The following TMEM39B variants were observed in gnomAD, a reference collection of about 807,000 sequenced individuals.
TMEM39B encodes transmembrane protein 39B.
In TMEM39B, 23 loss-of-function variants were observed where a neutral mutation model predicts 52.2. That is an observed-to-expected ratio of 0.44 (90% confidence interval 0.32 to 0.62). The LOEUF (loss-of-function observed/expected upper bound fraction) is 0.62. TMEM39B is among the 20% of genes least tolerant of loss of function. TMEM39B has a pLI of 0.06. For synonymous variants in TMEM39B, 285 were observed against 264.0 expected, an observed-to-expected ratio of 1.08 and a Z score of -0.77; for missense variants, 547 against 642.0, an observed-to-expected ratio of 0.85 and a Z score of 1.60.
intron 5 of TMEM39B, among the ~76,000 whole-genome samples, chr1:32,089,238 A>G (rs867662576): frequency 1.3e-5 from 2 of 149,972 alleles, no homozygotes; most frequent in African/African-American, 2.5e-5. Flanking sequence ...CGCTAGGATC[A>G]GGTGATCTTC....
At chr1:32,101,434 CCCT>C (rs1234993662) in intron 8 of TMEM39B, among the ~76,000 whole-genome samples, 1 of 151,720 alleles carries the variant, frequency 6.6e-6, no homozygotes, top group Admixed American at 6.6e-5. Context: ...TCCCCTCCCC[CCCT>C]TTTTTAAAAA....
chr1:32,101,604 T>G (rs1475829853), intron 8 of TMEM39B, among the ~76,000 whole-genome samples: 2 of 152,126 alleles, frequency 1.3e-5, no homozygotes, highest in African/African-American at 4.8e-5. Flanking sequence ...GAGAAATCAC[T>G]GACCTAGACT....
intron 5 of TMEM39B, among the ~76,000 whole-genome samples, chr1:32,086,538 A>G (rs1187670298): frequency 6.6e-6 from 1 of 152,128 alleles, no homozygotes; most frequent in African/African-American, 2.4e-5. Flanking sequence ...AGACTGAGGC[A>G]GGCGGATGGC....
intron 2 of TMEM39B, 144 bp from the exon 3 acceptor site, chr1:32,075,459 C>T (rs563559533): frequency 7.2e-6 from 6 of 837,260 alleles, no homozygotes; most frequent in Non-Finnish European, 1.1e-5. Flanking sequence ...TGTCGGGTTC[C>T]TTTGTCTGAC....
intron 1 of TMEM39B, 151 bp downstream of exon 1, chr1:32,073,202 G>T: frequency 1.5e-4 from 112 of 750,928 alleles, no homozygotes; most frequent in East Asian, 2.4e-4. Context: ...CCCTCCTGTC[G>T]TTTTGCGGGG....
chr1:32,072,108 C>G (rs746428641), upstream of TMEM39B: 2 of 152,186 alleles, frequency 1.3e-5, no homozygotes, highest in Non-Finnish European at 2.9e-5. Context: ...AGCTCTATGA[C>G]TATTAATGAA....
chr1:32,083,994 G>GACAC (rs59029097), intron 5 of TMEM39B, among the ~76,000 whole-genome samples: 4 of 150,414 alleles, frequency 2.7e-5, no homozygotes, highest in South Asian at 2.1e-4. Context: ...CAGACACACA[G>GACAC]ACACACACAC....
At chr1:32,088,153 C>A (rs935364475) in intron 5 of TMEM39B, among the ~76,000 whole-genome samples, 5 of 136,050 alleles carry the variant, frequency 3.7e-5, no homozygotes, top group Admixed American at 7.6e-5. Flanking sequence ...CACGGTGGCT[C>A]ATGCCTGTAA....
In TMEM39B at chr1:32,076,751, G is replaced by GC. The variant is rs979089356; in HGVS notation, c.352-7dup. The GC allele has an allele frequency of 5.6e-6, 9 of 1,613,822 alleles. No homozygotes were observed. Among genetic ancestry groups the GC allele is most frequent in the Non-Finnish European group, 7.6e-6 (9 of 1,179,948 alleles). Reference sequence around the variant, plus strand: ...GGGCCCACATGACCCCCAGGCCTCTGCCCCCTGACAGAACTTCCATCTGAT... The same window carrying GC: ...GGGCCCACATGACCCCCAGGCCTCTGCCCCCCTGACAGAACTTCCATCTGAT... On this transcript the variant is annotated splice_polypyrimidine_tract_variant and intron_variant, in intron 3 of 8. Coordinates refer to ENST00000336294, the MANE Select transcript of TMEM39B (RefSeq NM_018056.4).
At chr1:32,085,147 T>C (rs1391464594) in intron 5 of TMEM39B, among the ~76,000 whole-genome samples, 1 of 152,202 alleles carries the variant, frequency 6.6e-6, no homozygotes, top group African/African-American at 2.4e-5. Flanking sequence ...TTTGAGTACT[T>C]CTTTAGCTTG....
chr1:32,083,076 GTT>G (rs763745093), intron 5 of TMEM39B, among the ~76,000 whole-genome samples: 2 of 85,870 alleles, frequency 2.3e-5, no homozygotes, highest in Non-Finnish European at 4.4e-5. Flanking sequence ...GCCCAGCCTG[GTT>G]TTTTTTTTTT....
chr1:32,082,588 G>A (rs1347737704), intron 5 of TMEM39B, among the ~76,000 whole-genome samples: 1 of 151,788 alleles, frequency 6.6e-6, no homozygotes, highest in African/African-American at 2.4e-5. Context: ...CCGAGTAGCT[G>A]GGATTACAGG....
intron 7 of TMEM39B, among the ~76,000 whole-genome samples, chr1:32,099,308 C>G (rs183236417): frequency 0.011 from 1,624 of 150,556 alleles, 14 homozygotes; most frequent in Non-Finnish European, 0.017. Context: ...CATCATACAC[C>G]AGGACCTGTG....
intron 5 of TMEM39B, among the ~76,000 whole-genome samples, chr1:32,078,975 T>C (rs1639979177): frequency 6.6e-6 from 1 of 152,058 alleles, no homozygotes; most frequent in Admixed American, 6.6e-5. Flanking sequence ...AATGGTATTA[T>C]GCTATGCATG....
At chr1:32,091,314 G>A (rs192463546) in intron 5 of TMEM39B, among the ~76,000 whole-genome samples, 28 of 152,288 alleles carry the variant, frequency 1.8e-4, no homozygotes, top group African/African-American at 6.3e-4. Flanking sequence ...TGAGAAAAGC[G>A]TTTGCCTGAA....
intron 1 of TMEM39B, chr1:32,073,911 T>C: frequency 7.1e-6 from 7 of 981,022 alleles, no homozygotes; most frequent in Non-Finnish European, 8.5e-6. Flanking sequence ...TATGTATATG[T>C]ATGTATATAT....
At chr1:32,095,036 C>G in intron 7 of TMEM39B, 65 bp downstream of exon 7, 1 of 1,545,892 alleles carries the variant, frequency 6.5e-7, no homozygotes, top group African/African-American at 1.4e-5. Flanking sequence ...AGTCACTTGT[C>G]CACTCGCTGA....
chr1:32,087,907 C>T (rs1184726431), intron 5 of TMEM39B: 1 of 151,238 alleles, frequency 6.6e-6, no homozygotes, highest in Non-Finnish European at 1.5e-5. Flanking sequence ...CTCAGCCTCC[C>T]TAAGTGCTGG....
intron 5 of TMEM39B, among the ~76,000 whole-genome samples, chr1:32,091,174 C>A (rs1195169612): frequency 6.6e-6 from 1 of 151,606 alleles, no homozygotes; most frequent in Non-Finnish European, 1.5e-5. Flanking sequence ...GATTTTGAGT[C>A]CCACCCCCAC....
Sources: gnomAD v4.1 joint callset for allele counts (sites outside exome capture counted in the v4.1 genomes callset) on GRCh38, gnomAD v4.1.1 for gene constraint, MANE v1.5 for transcripts, NCBI Gene and HGNC (gene_info 2026-07-23, HGNC 2026-07-21) for gene names.